Variants in CACNA2D3 observed in about 807,000 individuals in gnomAD.
The protein encoded by CACNA2D3 is voltage-dependent calcium channel subunit alpha-2/delta-3.
In CACNA2D3, 60 loss-of-function variants were observed where a neutral mutation model predicts 160.6. The observed-to-expected ratio is 0.37, with a 90% CI of 0.30 to 0.46. CACNA2D3 has a LOEUF of 0.46. CACNA2D3 is among the 20% of genes least tolerant of loss of function. CACNA2D3 has a pLI of 1.00. For missense variants in CACNA2D3, 1,205 were observed against 1,365.0 expected (o/e 0.88, Z 1.85); for synonymous variants, 558 against 492.9 (o/e 1.13, Z -1.75).
In CACNA2D3 at chr3:55,018,304, G is replaced by A; in HGVS notation, c.2974G>A (p.Glu992Lys). 1 of 1,607,938 alleles carries A rather than the reference G, an allele frequency of 6.2e-7. No homozygotes were observed. Among genetic ancestry groups the A allele is most frequent in the Non-Finnish European group, 8.5e-7 (1 of 1,174,874 alleles). ...IKETTGNIAC[E>K]DCSKSFVIQQ... ...GGAGACTACAGGGAATATTGCTTGT[G>A]AAGACTGCTCCAAGTAAGCCATCCC... The change falls in exon 35 of 38, where the codon GAA (glutamate) becomes AAA (lysine). Residue 992 changes from glutamate to lysine, a missense_variant. This residue lies in a region of CACNA2D3 where 911 missense variants were observed against 1,002.2 expected (regional missense o/e 0.91). Transcript: ENST00000474759.
intron 13 of CACNA2D3, among the ~76,000 whole-genome samples, chr3:54,781,398 G>C (rs528058583): frequency 6.6e-6 from 1 of 152,200 alleles, no homozygotes. Flanking sequence ...TGGGCTTGAT[G>C]GTTCTCTTAT....
chr3:54,368,105 G>A (rs920124095), intron 3 of CACNA2D3, among the ~76,000 whole-genome samples: 1 of 152,094 alleles, frequency 6.6e-6, no homozygotes. Flanking sequence ...AGATTTTATT[G>A]GAATACATAG....
intron 11 of CACNA2D3, among the ~76,000 whole-genome samples, chr3:54,749,511 T>C (rs548291886): frequency 1.3e-5 from 2 of 152,366 alleles, no homozygotes; most frequent in Admixed American, 1.3e-4. Flanking sequence ...AGCATTTTAT[T>C]TGTTATTCCA....
chr3:54,415,022 C>T (rs1048871261), intron 4 of CACNA2D3, among the ~76,000 whole-genome samples: 4 of 152,022 alleles, frequency 2.6e-5, no homozygotes, highest in African/African-American at 9.7e-5. Flanking sequence ...ACGTCAAAAA[C>T]TTTGTAAAGG....
At chr3:55,058,931 C>T (rs910214264) in intron 35 of CACNA2D3, among the ~76,000 whole-genome samples, 1 of 152,110 alleles carries the variant, frequency 6.6e-6, no homozygotes, top group Admixed American at 6.5e-5. Flanking sequence ...CCCTCCCCGC[C>T]GCCGCTCTTT....
At chr3:54,688,089 A>T (rs993703544) in intron 11 of CACNA2D3, among the ~76,000 whole-genome samples, 2 of 152,232 alleles carry the variant, frequency 1.3e-5, no homozygotes, top group Non-Finnish European at 2.9e-5. Flanking sequence ...TATAAGCAAC[A>T]TCACATGTTT....
intron 4 of CACNA2D3, among the ~76,000 whole-genome samples, chr3:54,434,107 AG>A (rs1341378993): frequency 2.6e-5 from 4 of 152,152 alleles, no homozygotes; most frequent in African/African-American, 9.7e-5. Flanking sequence ...TGGTGGAAGT[AG>A]GCAGTGCTCC....
At chr3:54,410,730 A>G (rs960793140) in intron 4 of CACNA2D3, among the ~76,000 whole-genome samples, 1 of 152,200 alleles carries the variant, frequency 6.6e-6, no homozygotes, top group African/African-American at 2.4e-5. Context: ...TGTTGTTTTC[A>G]TGCCTGCTAA....
intron 2 of CACNA2D3, among the ~76,000 whole-genome samples, chr3:54,175,261 T>C (rs1406517720): frequency 6.6e-5 from 10 of 152,138 alleles, no homozygotes; most frequent in Admixed American, 4.6e-4. Flanking sequence ...AATGGACTTG[T>C]AGGGGCCATG....
intron 3 of CACNA2D3, among the ~76,000 whole-genome samples, chr3:54,373,015 T>C (rs1698952826): frequency 6.6e-6 from 1 of 152,178 alleles, no homozygotes; most frequent in Non-Finnish European, 1.5e-5. Flanking sequence ...TTCACATGCG[T>C]CCTATCATGC....
intron 35 of CACNA2D3, among the ~76,000 whole-genome samples, chr3:55,065,065 C>T (rs1157197090): frequency 6.6e-6 from 1 of 152,140 alleles, no homozygotes; most frequent in Non-Finnish European, 1.5e-5. Context: ...TTAGCCTGCT[C>T]TGAGTGTTTT....
intron 2 of CACNA2D3, among the ~76,000 whole-genome samples, chr3:54,302,647 C>T (rs1231792198): frequency 1.3e-5 from 2 of 152,178 alleles, no homozygotes; most frequent in African/African-American, 4.8e-5. Context: ...AATGAGACTG[C>T]CTTTCCCAAA....
chr3:54,659,886 A>G (rs536643782), intron 11 of CACNA2D3, among the ~76,000 whole-genome samples: 1 of 152,292 alleles, frequency 6.6e-6, no homozygotes, highest in South Asian at 2.1e-4. Flanking sequence ...GGTGCTCAGT[A>G]AACATTTGTG....
chr3:54,778,400 C>G (rs996043495), intron 13 of CACNA2D3, among the ~76,000 whole-genome samples: 4 of 152,154 alleles, frequency 2.6e-5, no homozygotes, highest in East Asian at 1.9e-4. Context: ...ACCGAGACCA[C>G]TGTACCTGCT....
intron 17 of CACNA2D3, among the ~76,000 whole-genome samples, chr3:54,866,863 A>G (rs1240970479): frequency 6.6e-6 from 1 of 152,190 alleles, no homozygotes; most frequent in Admixed American, 6.5e-5. Context: ...TGCTAGGCCA[A>G]GGGCTTGTTT....
At chr3:54,634,539 T>A (rs183270833) in intron 10 of CACNA2D3, 1 of 152,316 alleles carries the variant, frequency 6.6e-6, no homozygotes, top group East Asian at 1.9e-4. Flanking sequence ...GCAACAAGGC[T>A]GTTTATTTCA....
intron 35 of CACNA2D3, among the ~76,000 whole-genome samples, chr3:55,040,085 T>A (rs1218745399): frequency 2.0e-5 from 3 of 152,184 alleles, no homozygotes; most frequent in Admixed American, 6.5e-5. Context: ...GTAACGGCTC[T>A]CTTCTTTAGT....
intron 2 of CACNA2D3, among the ~76,000 whole-genome samples, chr3:54,205,517 A>T (rs978517686): frequency 9.9e-5 from 15 of 152,204 alleles, no homozygotes; most frequent in Admixed American, 7.9e-4. Flanking sequence ...TGTTTACATT[A>T]TTGAATGTTT....
rs35498855 is a variant in CACNA2D3, at chr3:54,868,521, A to T, written c.1627-3018A>T. Among the ~76,000 whole-genome samples the T allele has an allele frequency of 9.8e-3, 1,492 of 152,302 alleles. 13 individuals carry two copies. Among genetic ancestry groups the T allele is most frequent in the Non-Finnish European group, 0.015 (1,025 of 68,024 alleles). The stretch of plus-strand genomic sequence containing the variant: ...AATATACTGTATTTATTGAGAGATT[A>T]TAAAAAACGAATAAAGACATTTGGG... On this transcript the variant is annotated intron_variant, in intron 17 of 37. Coordinates refer to ENST00000474759, the MANE Select transcript of CACNA2D3 (RefSeq NM_018398.3).
Sources: allele counts gnomAD v4.1 joint callset (sites outside exome capture counted in the v4.1 genomes callset), GRCh38; gene constraint gnomAD v4.1.1; regional missense constraint gnomAD v4.1.1; transcripts MANE v1.5; gene names NCBI Gene and HGNC (gene_info 2026-07-23, HGNC 2026-07-21).